The following BEGAIN variants were observed in gnomAD, a reference collection of about 807,000 sequenced individuals.
BEGAIN encodes the protein brain-enriched guanylate kinase-associated protein.
In BEGAIN, 19 loss-of-function variants were observed where a neutral mutation model predicts 35.8. The observed-to-expected ratio is 0.53, with a 90% CI of 0.37 to 0.78. The LOEUF (loss-of-function observed/expected upper bound fraction) is 0.78. Ranked by LOEUF, BEGAIN falls within the 30% of genes least tolerant of loss-of-function variation. BEGAIN has a pLI of 0.00. For synonymous variants in BEGAIN, 462 were observed against 388.6 expected, an observed-to-expected ratio of 1.19 and a Z score of -2.22; for missense variants, 795 against 853.6, an observed-to-expected ratio of 0.93 and a Z score of 0.85.
intron 2 of BEGAIN, chr14:100,548,325 T>C (rs571646909): frequency 6.6e-6 from 1 of 152,172 alleles, no homozygotes; most frequent in South Asian, 2.1e-4. Context: ...AGGGAGGTGG[T>C]GAACTTCCTG....
chr14:100,560,060 A>G (rs2034106857), intron 2 of BEGAIN, among the ~76,000 whole-genome samples: 1 of 152,026 alleles, frequency 6.6e-6, no homozygotes, highest in Non-Finnish European at 1.5e-5. Context: ...CATGTGGACT[A>G]TTTACTCTGC....
At chr14:100,551,121 G>A (rs1402316705) in intron 2 of BEGAIN, among the ~76,000 whole-genome samples, 1 of 152,236 alleles carries the variant, frequency 6.6e-6, no homozygotes, top group Admixed American at 6.5e-5. Context: ...CCTGGCAGAT[G>A]TTAGGGATCC....
Position 100,545,458 on chromosome 14 carries a change from CTT to C in BEGAIN, c.234-394_234-393del, listed in dbSNP as rs567286219. Reference sequence around the variant, plus strand: ...CAAATGCAAATGAGCAGGGAAGAAACTTAACACTAACTATGTGATGGGCCCCA... The same window carrying C: ...CAAATGCAAATGAGCAGGGAAGAAACAACACTAACTATGTGATGGGCCCCA... On this transcript the variant is annotated intron_variant, in intron 3 of 6. Coordinates refer to ENST00000554140, the MANE Select transcript of BEGAIN (RefSeq NM_001385089.1). 4,053 of 1,033,280 alleles carry C rather than the reference CTT, an allele frequency of 3.9e-3. 16 individuals carry two copies. Among genetic ancestry groups the C allele is most frequent in the Non-Finnish European group, 4.5e-3 (3,862 of 858,458 alleles). 64.0% of individuals were successfully genotyped at this position (1,033,280 alleles called of 1,614,324 possible). A position where few individuals can be genotyped will look rare whatever the true frequency, so the allele number is the denominator to read the frequency against.
chr14:100,580,853 C>T (rs1184852657), intron 1 of BEGAIN, among the ~76,000 whole-genome samples: 4 of 152,030 alleles, frequency 2.6e-5, no homozygotes. Flanking sequence ...TGTCAGTTCA[C>T]AAACATCCCC....
intron 1 of BEGAIN, among the ~76,000 whole-genome samples, chr14:100,584,189 C>T (rs1483509101): frequency 1.3e-5 from 2 of 152,208 alleles, no homozygotes; most frequent in Non-Finnish European, 2.9e-5. Flanking sequence ...CCAGGCAAAG[C>T]CCAGGCCTGA....
At chr14:100,584,940 G>A (rs1159721248) in intron 1 of BEGAIN, among the ~76,000 whole-genome samples, 1 of 152,014 alleles carries the variant, frequency 6.6e-6, no homozygotes, top group Non-Finnish European at 1.5e-5. Flanking sequence ...CCTCCCTTAG[G>A]GGGAGGAGCC....
At chr14:100,556,087 A>C (rs2139598769) in intron 2 of BEGAIN, among the ~76,000 whole-genome samples, 1 of 152,090 alleles carries the variant, frequency 6.6e-6, no homozygotes, top group South Asian at 2.1e-4. Flanking sequence ...CCTGGAGAGG[A>C]GTGAGCTTTG....
chr14:100,552,205 G>A (rs1402221384), intron 2 of BEGAIN, among the ~76,000 whole-genome samples: 2 of 152,206 alleles, frequency 1.3e-5, no homozygotes, highest in East Asian at 3.9e-4. Context: ...GGACCCAGGG[G>A]AAACTGAGGC....
chr14:100,584,568 C>T (rs573599969), intron 1 of BEGAIN, among the ~76,000 whole-genome samples: 10 of 152,326 alleles, frequency 6.6e-5, no homozygotes, highest in African/African-American at 2.2e-4. Flanking sequence ...AATTCACACA[C>T]TTAGTCATTC....
intron 1 of BEGAIN, chr14:100,577,373 G>C: frequency 2.5e-6 from 1 of 399,156 alleles, no homozygotes; most frequent in Non-Finnish European, 4.4e-6. Flanking sequence ...CCCAAGCAAG[G>C]CCCACTAGTT....
chr14:100,572,423 T>A lies in BEGAIN; in HGVS notation c.43-4484A>T, dbSNP rs146469942. ...CCAAGGACAGAGGCCTGGGTTCCTGTCCCAGCTCTGCCTCCGACTCAGGCC... is the reference window on the plus strand; with the variant it reads ...CCAAGGACAGAGGCCTGGGTTCCTGACCCAGCTCTGCCTCCGACTCAGGCC... On this transcript the variant is annotated intron_variant, in intron 1 of 6. Transcript: ENST00000554140. Among the ~76,000 whole-genome samples, 671 of 152,218 alleles carry A rather than the reference T, an allele frequency of 4.4e-3. 5 individuals carry two copies. The highest frequency in any genetic ancestry group is 4.2e-3 in the Non-Finnish European group (283 of 68,000).
chr14:100,571,879 C>T lies in BEGAIN; in HGVS notation c.43-3940G>A, dbSNP rs373487220. 2.8e-4 allele frequency among the ~76,000 whole-genome samples: 43 copies of T among 152,300 alleles called. 1 individual carries two copies. In the South Asian group the frequency reaches 8.1e-3, roughly 29 times the overall value. On this transcript the variant is annotated intron_variant, in intron 1 of 6. Transcript: ENST00000554140. ...ATGTTCTGCCCTGACTCTGCACGGC[C>T]GGGGCCTCCCTTCCCTGACTACCCA...
chr14:100,551,264 ACACAGCGCCCAGACGAGTGC>A (rs1385573527), intron 2 of BEGAIN, among the ~76,000 whole-genome samples: 12 of 152,154 alleles, frequency 7.9e-5, no homozygotes, highest in Non-Finnish European at 1.5e-4. Context: ...CTGCTGGAGG[ACACAGCGCCCAGACGAGTGC>A]CCTCTTGGTT....
chr14:100,556,344 C>A (rs552724191), intron 2 of BEGAIN, among the ~76,000 whole-genome samples: 1 of 152,320 alleles, frequency 6.6e-6, no homozygotes, highest in South Asian at 2.1e-4. Context: ...TGCCCCGCTG[C>A]CCCCCTCTTT....
At chr14:100,562,312 C>T (rs568412717) in intron 2 of BEGAIN, among the ~76,000 whole-genome samples, 2 of 152,216 alleles carry the variant, frequency 1.3e-5, no homozygotes, top group Admixed American at 6.5e-5. Context: ...CAATTAGTTC[C>T]CCACCCTCAA....
intron 3 of BEGAIN, 156 bp downstream of exon 3, chr14:100,546,339 ACCCCGG>A (rs1566964077): frequency 1.2e-5 from 2 of 161,640 alleles, no homozygotes; most frequent in African/African-American, 7.0e-5. Context: ...GCCCTGCCCC[ACCCCGG>A]CCCTCGCCCC....
intron 1 of BEGAIN, among the ~76,000 whole-genome samples, chr14:100,574,134 T>C (rs1595149781): frequency 6.6e-6 from 1 of 152,268 alleles, no homozygotes; most frequent in Middle Eastern, 3.4e-3. Context: ...GTGGTGGGGT[T>C]CCCCAGAGCC....
chr14:100,580,169 G>C (rs1192017712), intron 1 of BEGAIN, among the ~76,000 whole-genome samples: 1 of 152,182 alleles, frequency 6.6e-6, no homozygotes, highest in African/African-American at 2.4e-5. Flanking sequence ...GCTGGGTGTG[G>C]TGGCGCCTGC....
In BEGAIN at chr14:100,568,127, C is replaced by A. The variant is rs2034873917; in HGVS notation, c.43-188G>T. ...CCCGTGACTCAGTGGGCGCGCCGGGCCGCGGCCGAGTAACAGGTGAGCCCG... is the reference window on the plus strand; with the variant it reads ...CCCGTGACTCAGTGGGCGCGCCGGGACGCGGCCGAGTAACAGGTGAGCCCG... On this transcript the variant is annotated intron_variant, in intron 1 of 6. Coordinates refer to ENST00000554140, the MANE Select transcript of BEGAIN (RefSeq NM_001385089.1). The surrounding 1 kb of genome is among the most constrained non-coding windows in gnomAD (Gnocchi z 7.5). The A allele has an allele frequency of 4.0e-6, 4 of 1,009,096 alleles. No homozygotes were observed. The South Asian group carries it at 1.9e-4, about 47-fold the overall frequency. The allele number at this position is 1,009,096 out of a possible 1,614,324, so 62.5% of individuals were successfully genotyped here.
Sources: gnomAD v4.1 joint callset for allele counts (sites outside exome capture counted in the v4.1 genomes callset) on GRCh38, gnomAD v4.1.1 for gene constraint, Gnocchi (gnomAD v3.1) non-coding constraint, MANE v1.5 for transcripts, NCBI Gene and HGNC (gene_info 2026-07-23, HGNC 2026-07-21) for gene names.